Variants in CDYL observed in about 807,000 individuals in gnomAD.
CDYL encodes chromodomain Y like, also known as chromodomain Y-like protein.
Under a neutral mutation model 47.3 loss-of-function variants are expected in CDYL, and 8 were observed. That is an observed-to-expected ratio of 0.17 (90% CI 0.10 to 0.31). CDYL has a LOEUF of 0.31. Ranked by LOEUF, CDYL falls within the 10% of genes least tolerant of loss-of-function variation. The pLI is 1.00. For synonymous variants in CDYL, 266 were observed against 265.0 expected (o/e 1.00, Z -0.04); for missense variants, 471 against 701.4 (o/e 0.67, Z 3.71).
At chr6:4,711,610 T>C (rs2127406520) in intron 1 of CDYL, among the ~76,000 whole-genome samples, 1 of 152,106 alleles carries the variant, frequency 6.6e-6, no homozygotes, top group South Asian at 2.1e-4. Flanking sequence ...AGTTATTCCT[T>C]GTGAGGGAGG....
At position 4,952,892 on chromosome 6, in the gene CDYL, C is replaced by T. The variant is rs137984750; in HGVS notation, c.1476+483C>T. ...AAGTGATGCTTGTGCTTCAGCCTCC[C>T]GAGTAGCTGGGACTACAGGCATGCG... is the stretch of plus-strand genomic sequence containing the variant. On this transcript the variant is annotated intron_variant, in intron 6 of 6. Coordinates refer to ENST00000397588, the MANE Select transcript of CDYL (RefSeq NM_004824.4). Among the ~76,000 whole-genome samples the T allele has an allele frequency of 2.4e-4, 37 of 152,074 alleles. No homozygotes were observed. The East Asian group carries it at 5.5e-3, about 23-fold the overall frequency.
At chr6:4,819,156 C>CTGTGTGTGTGTGTGTG (rs1261981708) in intron 1 of CDYL, among the ~76,000 whole-genome samples, 7 of 131,046 alleles carry the variant, frequency 5.3e-5, no homozygotes, top group African/African-American at 2.4e-4. Context: ...CTCTCTCTCT[C>CTGTGTGTGTGTGTGTG]TCTCTCTGTG....
At position 4,937,597 on chromosome 6, in the gene CDYL, G is replaced by T; in HGVS notation, c.981G>T (p.Thr327=). The T allele has an allele frequency of 6.3e-7, 1 of 1,596,146 alleles. No individual in the cohort carries two copies. The highest frequency in any genetic ancestry group is 1.1e-5 in the South Asian group (1 of 88,334). Residue 327 remains threonine (T), a synonymous_variant, in exon 4 of 7, where the codon ACG becomes ACT. Transcript: ENST00000397588. Reference sequence around the variant, plus strand: ...GAGAAGTCCAGAGTGCTCTGAGCACGGCCGCTGCCGATGACAGCAAGCTGG... The same window carrying T: ...GAGAAGTCCAGAGTGCTCTGAGCACTGCCGCTGCCGATGACAGCAAGCTGG... The part of the protein sequence containing the change: ...VMREVQSALS[T]AAADDSKLVL...
At chr6:4,723,469 G>A (rs1340167466) in intron 2 of CDYL, among the ~76,000 whole-genome samples, 2 of 152,062 alleles carry the variant, frequency 1.3e-5, no homozygotes, top group Non-Finnish European at 2.9e-5. Context: ...CAGAGGTGTG[G>A]GCATAGTTAG....
intron 5 of CDYL, among the ~76,000 whole-genome samples, chr6:4,948,667 C>T (rs1758604972): frequency 6.6e-6 from 1 of 152,166 alleles, no homozygotes; most frequent in Non-Finnish European, 1.5e-5. Context: ...TAGCACCCTG[C>T]ATGTAGCCCC....
chr6:4,923,065 ATTTCT>A (rs747504963), intron 2 of CDYL, among the ~76,000 whole-genome samples: 1 of 152,144 alleles, frequency 6.6e-6, no homozygotes, highest in East Asian at 1.9e-4. Context: ...GACATTTATC[ATTTCT>A]TTATTTTGGT....
chr6:4,936,119 ACG>A, intron 3 of CDYL, among the ~76,000 whole-genome samples: 1 of 152,290 alleles, frequency 6.6e-6, no homozygotes, highest in East Asian at 1.9e-4. Flanking sequence ...ATGTGTGTGC[ACG>A]CGCTTTGCTT....
intron 1 of CDYL, among the ~76,000 whole-genome samples, chr6:4,886,493 C>T (rs975968891): frequency 7.9e-5 from 12 of 152,144 alleles, no homozygotes; most frequent in African/African-American, 2.7e-4. Flanking sequence ...AGCGTCTTTC[C>T]GTGTGCTTTA....
chr6:4,848,515 A>T (rs970135374), intron 1 of CDYL, among the ~76,000 whole-genome samples: 1 of 152,244 alleles, frequency 6.6e-6, no homozygotes, highest in African/African-American at 2.4e-5. Flanking sequence ...GGCACATGAG[A>T]ACAGTGCACA....
At chr6:4,722,317 G>A (rs1757386018) in intron 2 of CDYL, among the ~76,000 whole-genome samples, 14 of 152,040 alleles carry the variant, frequency 9.2e-5, no homozygotes, top group Admixed American at 9.2e-4. Context: ...TAAGCACTTT[G>A]GGAGGCCAAG....
intron 1 of CDYL, among the ~76,000 whole-genome samples, chr6:4,845,707 A>G (rs577739376): frequency 9.8e-5 from 15 of 152,320 alleles, no homozygotes; most frequent in Admixed American, 2.0e-4. Context: ...TACCAATACA[A>G]CTTTATTTAT....
intron 3 of CDYL, among the ~76,000 whole-genome samples, chr6:4,756,542 C>A (rs1352845980): frequency 6.7e-6 from 1 of 150,102 alleles, no homozygotes; most frequent in African/African-American, 2.5e-5. Context: ...CATATGTTGC[C>A]CTGTGTAGTA....
At chr6:4,807,319 C>T (rs532059226) in intron 1 of CDYL, among the ~76,000 whole-genome samples, 2 of 152,212 alleles carry the variant, frequency 1.3e-5, no homozygotes, top group East Asian at 1.9e-4. Flanking sequence ...CACTTGGTTA[C>T]GGGGATGTCT....
chr6:4,802,399 G>A (rs780322728), intron 1 of CDYL, among the ~76,000 whole-genome samples: 10 of 152,108 alleles, frequency 6.6e-5, no homozygotes, highest in Admixed American at 3.9e-4. Flanking sequence ...ACTTAGCTGA[G>A]TGTGATGGCA....
At chr6:4,876,808 A>G (rs187073245) in intron 1 of CDYL, among the ~76,000 whole-genome samples, 8 of 152,332 alleles carry the variant, frequency 5.3e-5, no homozygotes, top group African/African-American at 1.9e-4. Context: ...TTTTGTGGGA[A>G]TGACGTAAAT....
chr6:4,847,388 C>G (rs1285300147), intron 1 of CDYL, among the ~76,000 whole-genome samples: 3 of 152,204 alleles, frequency 2.0e-5, no homozygotes, highest in East Asian at 3.8e-4. Context: ...AGCTAAGGAG[C>G]TGCTGTTGTA....
At chr6:4,924,271 CAG>C (rs908024426) in intron 2 of CDYL, among the ~76,000 whole-genome samples, 31 of 152,114 alleles carry the variant, frequency 2.0e-4, no homozygotes, top group African/African-American at 6.5e-4. Context: ...AGCTATGAAA[CAG>C]AATCATTTTA....
exon 2 of CDYL, chr6:4,715,798 A>G (rs781624523): frequency 6.2e-7 from 1 of 1,614,194 alleles, no homozygotes; most frequent in Non-Finnish European, 8.5e-7. Flanking sequence ...CAGGCAAGCC[A>G]CAGGTCAGCC....
chr6:4,943,795 T>A, intron 5 of CDYL, 39 bp downstream of exon 5: 7 of 1,314,310 alleles, frequency 5.3e-6, no homozygotes, highest in Non-Finnish European at 7.4e-6. Flanking sequence ...AAAGTCATTC[T>A]AGAAAGCTTC....
Sources: allele counts gnomAD v4.1 joint callset (sites outside exome capture counted in the v4.1 genomes callset), GRCh38; gene constraint gnomAD v4.1.1; transcripts MANE v1.5; gene names NCBI Gene and HGNC (gene_info 2026-07-23, HGNC 2026-07-21).